Variants in CATSPERB observed in about 807,000 individuals in gnomAD.
The protein encoded by CATSPERB is cation channel sperm-associated auxiliary subunit beta.
In CATSPERB, 93 loss-of-function variants were observed where a neutral mutation model predicts 128.3. The observed-to-expected ratio is 0.72, with a 90% CI of 0.61 to 0.86. CATSPERB has a LOEUF of 0.86. Among genes scored for constraint, CATSPERB ranks in the 40% least tolerant of loss-of-function variants. The pLI is 0.00. For missense variants in CATSPERB, 1,153 were observed against 1,329.5 expected (o/e 0.87, Z 2.06); for synonymous variants, 381 against 448.8 (o/e 0.85, Z 1.91).
intron 18 of CATSPERB, among the ~76,000 whole-genome samples, chr14:91,623,380 C>G (rs1464066132): frequency 6.6e-6 from 1 of 152,150 alleles, no homozygotes; most frequent in Non-Finnish European, 1.5e-5. Flanking sequence ...GATTCTCCTC[C>G]ATCTCCCTGA....
At chr14:91,663,421 G>A (rs973311622) in intron 14 of CATSPERB, among the ~76,000 whole-genome samples, 1 of 151,984 alleles carries the variant, frequency 6.6e-6, no homozygotes, top group Non-Finnish European at 1.5e-5. Flanking sequence ...TGAGGCAGGC[G>A]GATCACGAGG....
At chr14:91,641,078 G>A (rs1425086046) in intron 15 of CATSPERB, among the ~76,000 whole-genome samples, 1 of 126,288 alleles carries the variant, frequency 7.9e-6, no homozygotes, top group Non-Finnish European at 1.7e-5. Context: ...CTTTTTGATG[G>A]GGTTGTTTGT....
intron 15 of CATSPERB, among the ~76,000 whole-genome samples, chr14:91,648,925 A>G (rs1481529065): frequency 2.0e-5 from 3 of 151,436 alleles, no homozygotes; most frequent in African/African-American, 4.9e-5. Context: ...CCAGACCACA[A>G]TACATGCTAC....
At position 91,717,997 on chromosome 14, in the gene CATSPERB, G is replaced by A. The variant is rs542848821; in HGVS notation, c.370+1421C>T. ...CTTTTTCTAAAATCCTTAAGTTCTCGTATCATCTTTGTTCCTGTCTGGGTG... is the reference window on the plus strand; with the variant it reads ...CTTTTTCTAAAATCCTTAAGTTCTCATATCATCTTTGTTCCTGTCTGGGTG... On this transcript the variant is annotated intron_variant, in intron 5 of 26. Coordinates refer to ENST00000256343, the MANE Select transcript of CATSPERB (RefSeq NM_024764.4). Among the ~76,000 whole-genome samples the A allele has an allele frequency of 3.3e-5, 5 of 152,182 alleles. No individual in the cohort carries two copies. The South Asian group carries it at 6.2e-4, about 19-fold the overall frequency.
At chr14:91,611,347 C>T (rs1403894494) in intron 20 of CATSPERB, among the ~76,000 whole-genome samples, 2 of 152,164 alleles carry the variant, frequency 1.3e-5, no homozygotes, top group East Asian at 1.9e-4. Flanking sequence ...CGGTGGCTCA[C>T]GCCTGTAATC....
intron 2 of CATSPERB, among the ~76,000 whole-genome samples, chr14:91,727,577 T>C (rs1896138463): frequency 6.6e-6 from 1 of 152,222 alleles, no homozygotes; most frequent in Non-Finnish European, 1.5e-5. Context: ...TTCAAAGTAC[T>C]TTCAACTTAT....
intron 17 of CATSPERB, among the ~76,000 whole-genome samples, chr14:91,629,873 T>C (rs1894242854): frequency 2.0e-5 from 3 of 152,078 alleles, no homozygotes; most frequent in African/African-American, 7.2e-5. Context: ...GAAAGGGGAT[T>C]TGTGCAATGG....
chr14:91,617,516 T>C, intron 20 of CATSPERB, 81 bp downstream of exon 20: 2 of 1,000,246 alleles, frequency 2.0e-6, no homozygotes, highest in South Asian at 1.8e-5. Context: ...TTTAAAATGA[T>C]GCTCATTAAA....
intron 15 of CATSPERB, among the ~76,000 whole-genome samples, chr14:91,655,354 C>T (rs189629961): frequency 1.6e-3 from 248 of 152,260 alleles, no homozygotes; most frequent in African/African-American, 5.5e-3. Flanking sequence ...CACCAGAGAC[C>T]GATCTTGGAG....
chr14:91,656,040 C>A (rs972365673), intron 15 of CATSPERB, among the ~76,000 whole-genome samples: 1 of 151,960 alleles, frequency 6.6e-6, no homozygotes, highest in Non-Finnish European at 1.5e-5. Flanking sequence ...AGTGGCATGA[C>A]GTATATTTTT....
intron 7 of CATSPERB, among the ~76,000 whole-genome samples, chr14:91,695,300 T>A (rs1276245673): frequency 6.6e-6 from 1 of 152,100 alleles, no homozygotes; most frequent in Non-Finnish European, 1.5e-5. Flanking sequence ...TGGCTAAATT[T>A]TAGTATTTTT....
chr14:91,632,237 G>A (rs1344041237), intron 17 of CATSPERB, among the ~76,000 whole-genome samples: 2 of 152,058 alleles, frequency 1.3e-5, no homozygotes, highest in African/African-American at 4.8e-5. Flanking sequence ...GAAAGTTAAA[G>A]GATTGAAATA....
chr14:91,604,488 G>A lies in CATSPERB; in HGVS notation c.2709+3806C>T, dbSNP rs538191467. 15 of 1,594,540 alleles carry A rather than the reference G, an allele frequency of 9.4e-6. No individual in the cohort carries two copies. In the South Asian group the frequency reaches 1.1e-4, roughly 12 times the overall value. Reference sequence around the variant, plus strand: ...GTACTAAAATACCTAGTGGTCTGCTGTATTACATTATGGCCTTCCCCAGCA... The same window carrying A: ...GTACTAAAATACCTAGTGGTCTGCTATATTACATTATGGCCTTCCCCAGCA... On this transcript the variant is annotated intron_variant, in intron 22 of 26. Transcript: ENST00000256343.
chr14:91,683,942 A>G lies in CATSPERB; in HGVS notation c.866T>C (p.Val289Ala), dbSNP rs757218833. ...CCACAGTTTTCCTTTCACATAGTCAACCTACATAAATAAATAAAATATCAC... is the reference window on the plus strand; with the variant it reads ...CCACAGTTTTCCTTTCACATAGTCAGCCTACATAAATAAATAAAATATCAC... Reference protein sequence around the residue: ...SRADFCGFERVDYVKGKLWYN... With the variant: ...SRADFCGFERADYVKGKLWYN... Residue 289 changes from valine to alanine, a missense_variant and splice_region_variant, in exon 11 of 27, where the codon GTT becomes GCT. Coordinates refer to ENST00000256343, the MANE Select transcript of CATSPERB (RefSeq NM_024764.4). The G allele has an allele frequency of 4.4e-6, 7 of 1,583,666 alleles. No homozygotes were observed. Among genetic ancestry groups the G allele is most frequent in the Non-Finnish European group, 6.0e-6 (7 of 1,159,160 alleles).
In CATSPERB at chr14:91,621,757, C is replaced by T. The variant is rs1894048720; in HGVS notation, c.2111G>A (p.Gly704Glu). The change falls in exon 19 of 27, where the codon GGG becomes GAG. Residue 704 changes from glycine (G) to glutamate (E), a missense_variant. Gly to Glu is a moderately conservative substitution (Grantham distance 98). Transcript: ENST00000256343. Reference sequence around the variant, plus strand: ...TTTCCATGTTCGTCCATTCCTTTGCCCAAAGTTGTATAAGAACCATGTGCT... The same window carrying T: ...TTTCCATGTTCGTCCATTCCTTTGCTCAAAGTTGTATAAGAACCATGTGCT... ...LKSTWFLYNF[G>E]QRNGRTWKIY... The T allele has an allele frequency of 1.2e-6, 2 of 1,613,966 alleles. No individual in the cohort carries two copies. Among genetic ancestry groups the T allele is most frequent in the African/African-American group, 1.3e-5 (1 of 74,878 alleles).
chr14:91,719,480 T>A lies in CATSPERB; in HGVS notation c.310-2A>T. ...CAACCACAAAATCCGATCACTGAAC[T>A]TGAATAAAGAAGACATCAGAAAACA... On this transcript the variant is annotated splice_acceptor_variant, in intron 4 of 26. Transcript: ENST00000256343. LOFTEE classifies it high-confidence loss of function. 6.2e-7 allele frequency: 1 copy of A among 1,609,056 alleles called. No individual in the cohort carries two copies. The highest frequency in any genetic ancestry group is 8.5e-7 in the Non-Finnish European group (1 of 1,177,002).
At chr14:91,589,710 G>A (rs780893831) in intron 23 of CATSPERB, 41 bp from the exon 24 acceptor site, 1 of 1,588,316 alleles carries the variant, frequency 6.3e-7, no homozygotes, top group South Asian at 1.1e-5. Context: ...ACTTGGGAAA[G>A]TCAATAGTCA....
chr14:91,617,683 A>G lies in CATSPERB; in HGVS notation c.2314T>C (p.Leu772=). ...GTCACTTCAGCTGTAACTTCCAACA[A>G]ATTAGGGTTTCCAACAAACACAGTC... The part of the protein sequence containing the change: ...LLTVFVGNPN[L]LEVTAEVTFD... The change falls in exon 20 of 27, where the codon TTG becomes CTG. Residue 772 remains leucine (L), a synonymous_variant. Transcript: ENST00000256343. 6.2e-7 allele frequency: 1 copy of G among 1,601,864 alleles called. No homozygotes were observed. The highest frequency in any genetic ancestry group is 1.3e-5 in the African/African-American group (1 of 74,474).
chr14:91,716,520 G>A (rs565638435), intron 5 of CATSPERB, among the ~76,000 whole-genome samples: 17 of 152,274 alleles, frequency 1.1e-4, no homozygotes, highest in Non-Finnish European at 2.2e-4. Context: ...GGAGGCTGCA[G>A]TGAGCTGAGA....
Sources: gnomAD v4.1 joint callset for allele counts (sites outside exome capture counted in the v4.1 genomes callset) on GRCh38, gnomAD v4.1.1 for gene constraint, MANE v1.5 for transcripts, NCBI Gene and HGNC (gene_info 2026-07-23, HGNC 2026-07-21) for gene names.